Variants in ZNF236 observed in about 807,000 individuals in gnomAD.
ZNF236 encodes the protein regulated by glucose.
Under a neutral mutation model 191.2 loss-of-function variants are expected in ZNF236, and 50 were observed. The observed-to-expected ratio is 0.26, with a 90% CI of 0.21 to 0.33. The LOEUF is 0.33. ZNF236 is among the 10% of genes least tolerant of loss of function. The probability of loss-of-function intolerance (pLI) is 1.00; values close to 1 mark genes in which losing one functional copy is unlikely to be tolerated. For synonymous variants in ZNF236, 907 were observed against 928.8 expected (o/e 0.98, Z 0.43); for missense variants, 1,754 against 2,374.5 (o/e 0.74, Z 5.43).
chr18:76,957,268 G>C (rs1968546907), intron 28 of ZNF236, among the ~76,000 whole-genome samples: 1 of 152,224 alleles, frequency 6.6e-6, no homozygotes, highest in African/African-American at 2.4e-5. Context: ...GGAATCCTTG[G>C]ATCCCTGTGA....
chr18:76,871,731 T>C lies in ZNF236; in HGVS notation c.573T>C (p.Asn191=), dbSNP rs199957787. 30 of 1,614,088 alleles carry C rather than the reference T, an allele frequency of 1.9e-5. No individual in the cohort carries two copies. The highest frequency in any genetic ancestry group is 2.5e-5 in the Non-Finnish European group (29 of 1,180,040). ...CAAGTACAAGGTCTTATAACCGGAA[T>C]ATCGACAGAAGTGGATTCACGTATT... ...RVSSTRSYNR[N]IDRSGFTYSC... Residue 191 remains asparagine (N), a synonymous_variant, in exon 5 of 31, where the codon AAT becomes AAC. Transcript: ENST00000320610.
chr18:76,911,456 G>A (rs560352643), intron 16 of ZNF236, among the ~76,000 whole-genome samples: 1 of 152,328 alleles, frequency 6.6e-6, no homozygotes, highest in South Asian at 2.1e-4. Flanking sequence ...TCTGGGAAGT[G>A]GAGAACGTAC....
intron 1 of ZNF236, chr18:76,840,697 C>G (rs1416688621): frequency 3.6e-5 from 5 of 137,888 alleles, no homozygotes; most frequent in African/African-American, 1.4e-4. Flanking sequence ...GTGATCTTGG[C>G]TCACTGCAAC....
Position 76,908,559 on chromosome 18 carries a change from T to C in ZNF236, c.2537T>C (p.Leu846Pro). The change falls in exon 14 of 31, where the codon CTG becomes CCG. Residue 846 changes from leucine to proline, a missense_variant. Physicochemically the swap from Leu to Pro is moderately conservative, Grantham distance 98. This residue lies in a region of ZNF236 where 641 missense variants were observed against 869.6 expected (regional missense o/e 0.74). Transcript: ENST00000320610. ...GGCCAGCAGTTGGCAGATCAGCCCCTGGAAGCAGATGAAGGTAAATGTTTC... is the reference window on the plus strand; with the variant it reads ...GGCCAGCAGTTGGCAGATCAGCCCCCGGAAGCAGATGAAGGTAAATGTTTC... ...GLGQQLADQP[L>P]EADEDGFVAP... The C allele has an allele frequency of 6.2e-7, 1 of 1,607,024 alleles. No homozygotes were observed.
chr18:76,872,044 A>G (rs1177576382), intron 5 of ZNF236, among the ~76,000 whole-genome samples: 2 of 152,236 alleles, frequency 1.3e-5, no homozygotes, highest in Non-Finnish European at 2.9e-5. Flanking sequence ...ATTAACAAAT[A>G]TACTTAGTGC....
chr18:76,875,733 G>A lies in ZNF236; in HGVS notation c.840+69G>A, dbSNP rs1976694041. On this transcript the variant is annotated intron_variant, in intron 6 of 30. Coordinates refer to ENST00000320610, the MANE Select transcript of ZNF236 (RefSeq NM_001306089.2). This position sits in a 1 kb window ranked among gnomAD's most constrained non-coding sequence, Gnocchi z 4.3. ...GTAGGTATCTTTTGGGTTAATAAAC[G>A]GACCTGAGAAATTCTTTTCCATTTA... The A allele has an allele frequency of 9.2e-6, 12 of 1,305,196 alleles. 1 individual carries two copies. The South Asian group carries it at 1.7e-4, about 18-fold the overall frequency. The allele number at this position is 1,305,196 out of a possible 1,614,324, so 80.9% of individuals were successfully genotyped here. A position where few individuals can be genotyped will look rare whatever the true frequency, so the allele number is the denominator to read the frequency against.
At position 76,913,741 on chromosome 18, in the gene ZNF236, T is replaced by C. The variant is rs1568227195; in HGVS notation, c.2910-6T>C. On this transcript the variant is annotated splice_polypyrimidine_tract_variant and splice_region_variant and intron_variant, in intron 17 of 30. Coordinates refer to ENST00000320610, the MANE Select transcript of ZNF236 (RefSeq NM_001306089.2). ...GTGGTCTGAGTTCTGTATGTTTGCT[T>C]TGTAGGTGTGACTATTGCAACAAAG... is the stretch of plus-strand genomic sequence containing the variant. 12 of 1,613,874 alleles carry C rather than the reference T, an allele frequency of 7.4e-6. No homozygotes were observed. In the South Asian group the frequency reaches 8.8e-5, roughly 12 times the overall value.
At chr18:76,849,715 G>C in intron 2 of ZNF236, 47 bp downstream of exon 2, 3 of 1,422,974 alleles carry the variant, frequency 2.1e-6, no homozygotes, top group Non-Finnish European at 2.8e-6. Context: ...GTTGAAACTG[G>C]AGGTATTGTA....
chr18:76,843,255 C>T (rs1975564182), intron 1 of ZNF236, among the ~76,000 whole-genome samples: 1 of 151,574 alleles, frequency 6.6e-6, no homozygotes, highest in Non-Finnish European at 1.5e-5. Flanking sequence ...GAGCTTCAGA[C>T]AACTGGGAAG....
intron 1 of ZNF236, among the ~76,000 whole-genome samples, chr18:76,828,042 A>G (rs1975064519): frequency 6.6e-6 from 1 of 152,130 alleles, no homozygotes; most frequent in Non-Finnish European, 1.5e-5. Flanking sequence ...GCAGACCATG[A>G]GCCCAATGGA....
chr18:76,858,705 G>C (rs1976122349), intron 3 of ZNF236, among the ~76,000 whole-genome samples: 1 of 138,352 alleles, frequency 7.2e-6, no homozygotes, highest in Admixed American at 7.3e-5. Context: ...GGAGGAAGGG[G>C]GAGAGGGCTC....
chr18:76,862,778 A>T (rs927462565), intron 3 of ZNF236, among the ~76,000 whole-genome samples: 12 of 152,080 alleles, frequency 7.9e-5, no homozygotes, highest in Admixed American at 2.0e-4. Context: ...ACTGCATCTG[A>T]ACAGGGCAGC....
In ZNF236 at chr18:76,925,101, T is replaced by A; in HGVS notation, c.3662-88T>A. The A allele has an allele frequency of 6.5e-7, 1 of 1,531,820 alleles. No individual in the cohort carries two copies. Among genetic ancestry groups the A allele is most frequent in the Non-Finnish European group, 8.8e-7 (1 of 1,141,476 alleles). The allele number at this position is 1,531,820 out of a possible 1,614,324, so 94.9% of individuals were successfully genotyped here. ...TACTTCCATCCACTGATTCAACATA[T>A]TTACATCCATAGTGACAGCTGAGTG... On this transcript the variant is annotated intron_variant, in intron 21 of 30. Transcript: ENST00000320610. The surrounding 1 kb of genome is among the most constrained non-coding windows in gnomAD (Gnocchi z 5.7).
At chr18:76,935,609 T>C (rs1194673174) in intron 25 of ZNF236, among the ~76,000 whole-genome samples, 1 of 152,230 alleles carries the variant, frequency 6.6e-6, no homozygotes, top group Non-Finnish European at 1.5e-5. Context: ...CTGGGCGAGA[T>C]TCACAGGCAC....
At chr18:76,873,959 C>G (rs571562734) in intron 5 of ZNF236, among the ~76,000 whole-genome samples, 55 of 149,016 alleles carry the variant, frequency 3.7e-4, no homozygotes, top group African/African-American at 1.3e-3. Flanking sequence ...GCCCGCCTGT[C>G]CTCCTCTCCT....
rs1447650410 is a variant in ZNF236 at position 76,822,568 on chromosome 18, T to C, written c.-40T>C. 2 of 147,444 alleles carry C rather than the reference T, an allele frequency of 1.4e-5. No individual in the cohort carries two copies. Among genetic ancestry groups the C allele is most frequent in the South Asian group, 1.8e-4 (1 of 5,508 alleles). 9.1% of individuals were successfully genotyped at this position (147,444 alleles called of 1,614,324 possible). A position where few individuals can be genotyped will look rare whatever the true frequency, so the allele number is the denominator to read the frequency against. ...CCGCCGCCGCGTGTGAGTGTGAGTG[T>C]GAGTGTGAGTGGGTGTGGGTGCGAG... On this transcript the variant is annotated 5_prime_UTR_variant, in exon 1 of 31. Coordinates refer to ENST00000320610, the MANE Select transcript of ZNF236 (RefSeq NM_001306089.2).
chr18:76,895,424 A>C (rs1157794113), intron 10 of ZNF236, 139 bp downstream of exon 10: 8 of 1,201,134 alleles, frequency 6.7e-6, no homozygotes, highest in Middle Eastern at 2.7e-4. Context: ...GGGACTGCAC[A>C]AAGTATCACA....
chr18:76,960,914 T>C lies in ZNF236; in HGVS notation c.5419+59T>C. ...CGGTGGCCTGCGAGGCACCCTGTGT[T>C]TCGCATACATTGTTTCCTTTAGTTC... On this transcript the variant is annotated intron_variant, in intron 30 of 30. Coordinates refer to ENST00000320610, the MANE Select transcript of ZNF236 (RefSeq NM_001306089.2). The surrounding 1 kb of genome is among the most constrained non-coding windows in gnomAD (Gnocchi z 4.4). The C allele has an allele frequency of 6.6e-7, 1 of 1,509,830 alleles. No homozygotes were observed. Among genetic ancestry groups the C allele is most frequent in the South Asian group, 1.3e-5 (1 of 79,332 alleles). 93.5% of individuals were successfully genotyped at this position (1,509,830 alleles called of 1,614,324 possible).
rs1321493863 is a variant in ZNF236, at chr18:76,955,919, G to T, written c.4915-66G>T. The T allele has an allele frequency of 5.3e-6, 8 of 1,517,004 alleles. No individual in the cohort carries two copies. In the Admixed American group the frequency reaches 1.5e-4, roughly 29 times the overall value. The allele number at this position is 1,517,004 out of a possible 1,614,324, so 94.0% of individuals were successfully genotyped here. A position where few individuals can be genotyped will look rare whatever the true frequency, so the allele number is the denominator to read the frequency against. The stretch of plus-strand genomic sequence containing the variant: ...TGTCCCTCTTATCACCACGGTGTGT[G>T]TCAGTTCACAAACTGCACAAATCAA... On this transcript the variant is annotated intron_variant, in intron 27 of 30. Transcript: ENST00000320610.
Sources: gnomAD v4.1 joint callset for allele counts (sites outside exome capture counted in the v4.1 genomes callset) on GRCh38, gnomAD v4.1.1 for gene constraint, gnomAD v4.1.1 regional missense constraint, Gnocchi (gnomAD v3.1) non-coding constraint, MANE v1.5 for transcripts, NCBI Gene and HGNC (gene_info 2026-07-23, HGNC 2026-07-21) for gene names.